The following TSPAN18 variants were observed in gnomAD, a reference collection of about 807,000 sequenced individuals.
TSPAN18 encodes tetraspanin 18.
In TSPAN18, 14 loss-of-function variants were observed where a neutral mutation model predicts 27.3. The observed-to-expected ratio is 0.51, with a 90% CI of 0.34 to 0.80. The LOEUF (loss-of-function observed/expected upper bound fraction) is 0.80, where lower values mean the gene tolerates loss of function less well. TSPAN18 is among the 30% of genes least tolerant of loss of function. The probability of loss-of-function intolerance (pLI) is 0.01; values close to 1 mark genes in which losing one functional copy is unlikely to be tolerated. For missense variants in TSPAN18, 268 were observed against 323.9 expected (o/e 0.83, Z 1.32); for synonymous variants, 143 against 136.5 (o/e 1.05, Z -0.33).
chr11:44,875,797 A>G (rs1300656844), intron 3 of TSPAN18, among the ~76,000 whole-genome samples: 2 of 152,226 alleles, frequency 1.3e-5, no homozygotes, highest in East Asian at 3.8e-4. Context: ...GCTTAGGAAG[A>G]TGAGCTAGGA....
At chr11:44,742,167 C>G (rs546556950) in intron 1 of TSPAN18, among the ~76,000 whole-genome samples, 2 of 151,946 alleles carry the variant, frequency 1.3e-5, no homozygotes, top group Admixed American at 1.3e-4. Context: ...TGGCCTTTTC[C>G]GTTGTATGGA....
At chr11:44,899,383 G>A (rs973045099) in intron 3 of TSPAN18, among the ~76,000 whole-genome samples, 6 of 152,236 alleles carry the variant, frequency 3.9e-5, no homozygotes, top group African/African-American at 1.4e-4. Context: ...GTGAGAGGTT[G>A]ATGTCTGAGA....
intron 1 of TSPAN18, among the ~76,000 whole-genome samples, chr11:44,759,927 G>T (rs78179082): frequency 0.054 from 8,171 of 152,276 alleles, 296 homozygotes; most frequent in African/African-American, 0.096. Flanking sequence ...GTTTCACAAA[G>T]GAGTTAACTG....
At chr11:44,742,777 G>A (rs1302604989) in intron 1 of TSPAN18, among the ~76,000 whole-genome samples, 1 of 152,212 alleles carries the variant, frequency 6.6e-6, no homozygotes, top group Non-Finnish European at 1.5e-5. Flanking sequence ...AAGAGGGTGG[G>A]AGGAGATGGC....
intron 1 of TSPAN18, among the ~76,000 whole-genome samples, chr11:44,759,001 T>C (rs768945417): frequency 6.6e-6 from 1 of 152,244 alleles, no homozygotes; most frequent in Non-Finnish European, 1.5e-5. Flanking sequence ...AGTGCTATGC[T>C]GTTCAGTTAT....
At chr11:44,836,356 G>A (rs1342038015) in intron 2 of TSPAN18, among the ~76,000 whole-genome samples, 1 of 152,246 alleles carries the variant, frequency 6.6e-6, no homozygotes, top group Non-Finnish European at 1.5e-5. Context: ...CTAATCCAGA[G>A]AAAGGTCCTA....
chr11:44,742,418 C>G (rs1406650772), intron 1 of TSPAN18, among the ~76,000 whole-genome samples: 2 of 151,546 alleles, frequency 1.3e-5, no homozygotes, highest in East Asian at 3.9e-4. Context: ...CCCTTCCTTC[C>G]TCCCTCCCTT....
chr11:44,839,205 C>T (rs1857320614), intron 2 of TSPAN18, among the ~76,000 whole-genome samples: 1 of 152,218 alleles, frequency 6.6e-6, no homozygotes, highest in Non-Finnish European at 1.5e-5. Flanking sequence ...TTTTGGTGGA[C>T]ATGCAAATAC....
chr11:44,877,235 G>T (rs1441150221), intron 3 of TSPAN18, among the ~76,000 whole-genome samples: 1 of 152,236 alleles, frequency 6.6e-6, no homozygotes, highest in Admixed American at 6.5e-5. Context: ...AGGCTGGGGC[G>T]GGAGCCCGAT....
intron 2 of TSPAN18, among the ~76,000 whole-genome samples, chr11:44,825,978 A>G (rs1409162937): frequency 1.3e-5 from 2 of 152,144 alleles, no homozygotes; most frequent in African/African-American, 4.8e-5. Context: ...CTCCTCTCTC[A>G]GCCTGCATTT....
intron 3 of TSPAN18, among the ~76,000 whole-genome samples, chr11:44,902,462 C>T (rs1057345871): frequency 2.0e-5 from 3 of 152,144 alleles, no homozygotes; most frequent in Non-Finnish European, 4.4e-5. Flanking sequence ...CCTGGGGGAC[C>T]GTTCTGTAGG....
chr11:44,726,910 A>AGGGGGCGGGAGGGCGGGGGAG, upstream of TSPAN18: 1 of 15,846 alleles, frequency 6.3e-5, no homozygotes. Context: ...AGGGCGGGGG[A>AGGGGGCGGGAGGGCGGGGGAG]GGGGAGGGAC....
chr11:44,921,382 G>A (rs1280626969), intron 8 of TSPAN18, among the ~76,000 whole-genome samples: 1 of 152,072 alleles, frequency 6.6e-6, no homozygotes, highest in Non-Finnish European at 1.5e-5. Flanking sequence ...TGCCCCCCAC[G>A]ATCCATTCAC....
chr11:44,839,084 G>A (rs1418724707), intron 2 of TSPAN18, among the ~76,000 whole-genome samples: 1 of 152,180 alleles, frequency 6.6e-6, no homozygotes, highest in East Asian at 1.9e-4. Flanking sequence ...AAAAATGGGG[G>A]TTTCCCACAA....
chr11:44,897,857 C>T, intron 3 of TSPAN18: 1 of 1,289,434 alleles, frequency 7.8e-7, no homozygotes, highest in Non-Finnish European at 1.0e-6. Context: ...CCTCTCCCTT[C>T]TCAGTGTACC....
At chr11:44,922,438 T>G (rs1480497624) in intron 8 of TSPAN18, among the ~76,000 whole-genome samples, 1 of 152,052 alleles carries the variant, frequency 6.6e-6, no homozygotes, top group African/African-American at 2.4e-5. Context: ...TTTCTGACTT[T>G]GCTGGCAGGC....
chr11:44,892,978 C>G (rs951950226), intron 3 of TSPAN18, among the ~76,000 whole-genome samples: 1 of 152,198 alleles, frequency 6.6e-6, no homozygotes, highest in African/African-American at 2.4e-5. Flanking sequence ...GGAAGAGCAG[C>G]GGGCTTCATG....
chr11:44,736,106 T>A, intron 1 of TSPAN18: 1 of 152,214 alleles, frequency 6.6e-6, no homozygotes, highest in Non-Finnish European at 1.5e-5. Context: ...ATACAACTAG[T>A]AAGTGACTGG....
intron 3 of TSPAN18, among the ~76,000 whole-genome samples, chr11:44,900,243 C>A (rs946548920): frequency 1.3e-5 from 2 of 152,206 alleles, no homozygotes; most frequent in African/African-American, 4.8e-5. Flanking sequence ...GGTCTCTAGG[C>A]TTCAGCCTGG....
Sources: gnomAD v4.1 joint callset for allele counts (sites outside exome capture counted in the v4.1 genomes callset) on GRCh38, gnomAD v4.1.1 for gene constraint, MANE v1.5 for transcripts, NCBI Gene and HGNC (gene_info 2026-07-23, HGNC 2026-07-21) for gene names.